The following TUSC3 variants were observed in gnomAD, a reference collection of about 807,000 sequenced individuals.
TUSC3 encodes dolichyl-diphosphooligosaccharide--protein glycosyltransferase subunit TUSC3.
TUSC3 carries 45 observed loss-of-function variants against 44.8 expected under a neutral mutation model. The observed-to-expected ratio is 1.00, with a 90% CI of 0.79 to 1.29. The LOEUF (loss-of-function observed/expected upper bound fraction) is 1.29. TUSC3 is among the 50% of genes most tolerant of loss of function. The pLI is 0.00. For synonymous variants in TUSC3, 212 were observed against 152.9 expected (o/e 1.39, Z -2.85); for missense variants, 519 against 437.9 (o/e 1.19, Z -1.65).
intron 2 of TUSC3, among the ~76,000 whole-genome samples, chr8:15,508,264 A>T (rs994821892): frequency 3.3e-5 from 5 of 152,054 alleles, no homozygotes; most frequent in African/African-American, 4.8e-5. Flanking sequence ...AAAAACAAAA[A>T]ACAAAACAAA....
At chr8:15,616,636 A>G (rs942835179) in intron 1 of TUSC3, among the ~76,000 whole-genome samples, 1 of 152,180 alleles carries the variant, frequency 6.6e-6, no homozygotes, top group African/African-American at 2.4e-5. Context: ...TAAAACTATC[A>G]AGCTCAATTG....
chr8:15,657,349 G>C (rs1807219705), intron 3 of TUSC3, among the ~76,000 whole-genome samples: 1 of 152,030 alleles, frequency 6.6e-6, no homozygotes, highest in African/African-American at 2.4e-5. Flanking sequence ...AGAATGTTTT[G>C]CTGCTTAGAT....
chr8:15,625,547 T>C (rs2129165649), intron 2 of TUSC3, among the ~76,000 whole-genome samples: 1 of 152,318 alleles, frequency 6.6e-6, no homozygotes, highest in South Asian at 2.1e-4. Flanking sequence ...GTTTATATCT[T>C]CTTGGCTGAA....
intron 2 of TUSC3, among the ~76,000 whole-genome samples, chr8:15,519,597 G>C (rs1461470669): frequency 6.6e-6 from 1 of 152,078 alleles, no homozygotes; most frequent in Non-Finnish European, 1.5e-5. Context: ...GAGGGATCTA[G>C]GTTGTGTACT....
At chr8:15,761,827 A>C (rs1051673751) in intron 10 of TUSC3, among the ~76,000 whole-genome samples, 22 of 152,148 alleles carry the variant, frequency 1.4e-4, no homozygotes, top group Admixed American at 1.3e-3. Flanking sequence ...CATTTTTGTG[A>C]TAGGCATTAT....
chr8:15,717,128 A>G (rs1333940971), intron 6 of TUSC3, among the ~76,000 whole-genome samples: 3 of 152,134 alleles, frequency 2.0e-5, no homozygotes, highest in East Asian at 1.9e-4. Context: ...ATAAATACGT[A>G]TGTTTAAAAT....
intron 2 of TUSC3, among the ~76,000 whole-genome samples, chr8:15,515,719 G>A (rs937968787): frequency 6.6e-6 from 1 of 151,956 alleles, no homozygotes; most frequent in African/African-American, 2.4e-5. Flanking sequence ...CCAGACTGGA[G>A]GGCAGTCATG....
At chr8:15,503,854 G>A (rs1323564094) in intron 2 of TUSC3, among the ~76,000 whole-genome samples, 2 of 151,572 alleles carry the variant, frequency 1.3e-5, no homozygotes, top group Non-Finnish European at 2.9e-5. Flanking sequence ...ATACAAAAAT[G>A]GTAATGGCTC....
At chr8:15,806,696 T>C in the TUSC3 span, 2 of 916,486 alleles carry the variant, frequency 2.2e-6, no homozygotes, top group South Asian at 2.8e-5. Context: ...ACATTTGTAA[T>C]CAAAATCCCC....
chr8:15,508,250 CAACAAA>C (rs1356008059), intron 2 of TUSC3, among the ~76,000 whole-genome samples: 2 of 151,586 alleles, frequency 1.3e-5, no homozygotes, highest in Non-Finnish European at 2.9e-5. Context: ...ACAACAATGA[CAACAAA>C]AACAAAAAAC....
intron 6 of TUSC3, among the ~76,000 whole-genome samples, chr8:15,719,001 G>C (rs568081373): frequency 1.3e-5 from 2 of 151,992 alleles, no homozygotes; most frequent in South Asian, 4.2e-4. Context: ...CCTGCTCCAG[G>C]ATAAGATCAC....
rs1038714091 is a variant in TUSC3, at chr8:15,557,482, T to C, written c.138+16914T>C. ...TTTTGGCTTAGGATTGACTTGGCGATGCGGGCTCTTTTTTGGTTCCATATG... is the reference window on the plus strand; with the variant it reads ...TTTTGGCTTAGGATTGACTTGGCGACGCGGGCTCTTTTTTGGTTCCATATG... On this transcript the variant is annotated intron_variant, in intron 1 of 10. Coordinates refer to ENST00000503731, the MANE Select transcript of TUSC3 (RefSeq NM_006765.4). 2.7e-4 allele frequency among the ~76,000 whole-genome samples: 14 copies of C among 51,484 alleles called. 1 individual carries two copies. Among genetic ancestry groups the C allele is most frequent in the African/African-American group, 7.8e-4 (14 of 17,944 alleles). 33.8% of individuals were successfully genotyped at this position (51,484 alleles called of 152,430 possible).
chr8:15,462,307 A>G (rs1305108135), intron 1 of TUSC3, among the ~76,000 whole-genome samples: 4 of 152,062 alleles, frequency 2.6e-5, no homozygotes, highest in Non-Finnish European at 5.9e-5. Flanking sequence ...AACTATTACA[A>G]CTCAATAATA....
intron 1 of TUSC3, among the ~76,000 whole-genome samples, chr8:15,583,628 C>G (rs1244964684): frequency 6.6e-6 from 1 of 152,080 alleles, no homozygotes; most frequent in Non-Finnish European, 1.5e-5. Flanking sequence ...TTTTGAAGTG[C>G]AATTGGCTGC....
At chr8:15,479,885 C>G (rs1402157058) in intron 1 of TUSC3, among the ~76,000 whole-genome samples, 1 of 152,102 alleles carries the variant, frequency 6.6e-6, no homozygotes, top group Non-Finnish European at 1.5e-5. Flanking sequence ...ATGATATGGT[C>G]CTATATGTGG....
intron 2 of TUSC3, among the ~76,000 whole-genome samples, chr8:15,531,615 A>T (rs1801450948): frequency 6.6e-6 from 1 of 152,168 alleles, no homozygotes; most frequent in African/African-American, 2.4e-5. Flanking sequence ...CTTCTGCCTT[A>T]TGCCCCTCAG....
chr8:15,493,676 C>A (rs370019644), intron 2 of TUSC3, among the ~76,000 whole-genome samples: 8 of 152,122 alleles, frequency 5.3e-5, no homozygotes, highest in South Asian at 2.1e-4. Flanking sequence ...TAGTTGCTGC[C>A]CTTAGGGAAT....
the TUSC3 span, among the ~76,000 whole-genome samples, chr8:15,778,838 T>C: frequency 1.3e-5 from 2 of 152,348 alleles, no homozygotes; most frequent in African/African-American, 2.4e-5. Flanking sequence ...AAACTCTTTA[T>C]GCAAATCATT....
chr8:15,828,121 A>C, the TUSC3 span, among the ~76,000 whole-genome samples: 1 of 151,736 alleles, frequency 6.6e-6, no homozygotes, highest in African/African-American at 2.4e-5. Flanking sequence ...CAGCCACTCA[A>C]ATAGCTGGGA....
Sources: allele counts gnomAD v4.1 joint callset (sites outside exome capture counted in the v4.1 genomes callset), GRCh38; gene constraint gnomAD v4.1.1; transcripts MANE v1.5; gene names NCBI Gene and HGNC (gene_info 2026-07-23, HGNC 2026-07-21).